SLC11A2: variants seen among roughly 807,000 people sequenced by gnomAD.
SLC11A2 encodes the protein natural resistance-associated macrophage protein 2.
SLC11A2 carries 38 observed loss-of-function variants against 68.0 expected under a neutral mutation model. The ratio of observed to expected loss-of-function variants is 0.56; its 90% CI spans 0.43 to 0.73. The LOEUF (loss-of-function observed/expected upper bound fraction) is 0.73. SLC11A2 is among the 30% of genes least tolerant of loss of function. The pLI is 0.00. For synonymous variants in SLC11A2, 242 were observed against 250.6 expected (o/e 0.97, Z 0.32); for missense variants, 517 against 690.5 (o/e 0.75, Z 2.82).
At chr12:50,991,303 C>T (rs766427942) in intron 14 of SLC11A2, among the ~76,000 whole-genome samples, 6 of 152,162 alleles carry the variant, frequency 3.9e-5, no homozygotes, top group Non-Finnish European at 7.3e-5. Context: ...CTAACTTATG[C>T]CTTTTTTGTT....
chr12:50,985,636 T>C (rs1401378156), downstream of SLC11A2, among the ~76,000 whole-genome samples: 3 of 152,194 alleles, frequency 2.0e-5, no homozygotes, highest in Non-Finnish European at 4.4e-5. Context: ...ACATATAGAA[T>C]GTAAAAGTGA....
At position 50,988,043 on chromosome 12, in the gene SLC11A2, T is replaced by C; in HGVS notation, c.*282A>G. 1 of 1,387,044 alleles carries C rather than the reference T, an allele frequency of 7.2e-7. No individual in the cohort carries two copies. The allele number at this position is 1,387,044 out of a possible 1,614,324, so 85.9% of individuals were successfully genotyped here. A position where few individuals can be genotyped will look rare whatever the true frequency, so the allele number is the denominator to read the frequency against. The stretch of plus-strand genomic sequence containing the variant: ...ATCCTTGTCTCTCCGAAGGATAAAC[T>C]GAGCTGGCCCTTGGGCAACTACTTA... On this transcript the variant is annotated 3_prime_UTR_variant, in exon 16 of 16. Transcript: ENST00000262052.
At chr12:50,995,934 A>G (rs1361911357) in intron 9 of SLC11A2, 147 bp from the exon 10 acceptor site, 2 of 712,160 alleles carry the variant, frequency 2.8e-6, no homozygotes, top group East Asian at 5.2e-5. Flanking sequence ...CCTACATCCT[A>G]GTTCACTGAG....
chr12:50,963,968 C>T, the SLC11A2 span, among the ~76,000 whole-genome samples: 3,937 of 152,238 alleles, frequency 0.026, 91 homozygotes, highest in East Asian at 0.078. Context: ...CAAAAGCATG[C>T]TAGTTATCTC....
At chr12:50,965,005 G>A in the SLC11A2 span, among the ~76,000 whole-genome samples, 7 of 152,088 alleles carry the variant, frequency 4.6e-5, no homozygotes, top group African/African-American at 1.4e-4. Flanking sequence ...TTACAGGCAC[G>A]ACCCATTGCA....
rs531402792 is a variant in SLC11A2 at position 50,997,766 on chromosome 12, T to C, written c.676-794A>G. ...ACTTTAGCAGGTCAAGGCGGGTGGATCACCTGAGGTCAGGAGTTCAAGACC... is the reference window on the plus strand; with the variant it reads ...ACTTTAGCAGGTCAAGGCGGGTGGACCACCTGAGGTCAGGAGTTCAAGACC... On this transcript the variant is annotated intron_variant, in intron 8 of 15. Transcript: ENST00000262052. 1.1e-4 allele frequency among the ~76,000 whole-genome samples: 15 copies of C among 137,644 alleles called. No homozygotes were observed. The South Asian group carries it at 3.6e-3, about 33-fold the overall frequency. 90.3% of individuals were successfully genotyped at this position (137,644 alleles called of 152,430 possible).
chr12:50,989,914 CCT>C (rs1435627930), intron 15 of SLC11A2, among the ~76,000 whole-genome samples: 2 of 152,232 alleles, frequency 1.3e-5, no homozygotes, highest in East Asian at 3.9e-4. Context: ...ATCCCTAACC[CCT>C]GTGTCTTTTC....
chr12:50,999,214 C>T lies in SLC11A2; in HGVS notation c.635G>A (p.Gly212Asp), dbSNP rs121918367. The change falls in exon 8 of 16, where the codon GGC becomes GAC. Residue 212 changes from glycine (G) to aspartate (D), a missense_variant. By Grantham distance (94) the Gly-to-Asp change is moderately conservative (BLOSUM62 -1). Coordinates refer to ENST00000262052, the MANE Select transcript of SLC11A2 (RefSeq NM_000617.3). ...YGLRKLEAFF[G>D]FLITIMALTF... ...GAGGGCCATAATAGTGATGAGAAAG[C>T]CAAAAAATGCTTCTAGCTTCCGCAA... 1.2e-6 allele frequency: 2 copies of T among 1,613,922 alleles called. No individual in the cohort carries two copies. The highest frequency in any genetic ancestry group is 2.7e-5 in the African/African-American group (2 of 74,972).
At chr12:51,026,557 AC>A (rs1944404467), upstream of SLC11A2, 1 of 336,298 alleles carries the variant, frequency 3.0e-6, no homozygotes, top group African/African-American at 2.5e-5. Context: ...CCCCTGGGGC[AC>A]CCGGCGGGAG....
At chr12:50,953,894 AAAC>A in the SLC11A2 span, 1 of 647,834 alleles carries the variant, frequency 1.5e-6, no homozygotes, top group South Asian at 2.2e-5. Context: ...AAACAAATGA[AAAC>A]AAAAAAACAC....
At position 50,987,863 on chromosome 12, in the gene SLC11A2, GA is replaced by G; in HGVS notation, c.*461del. Reference sequence around the variant, plus strand: ...ATAATTTGGTATAATTAAAATAACTGAAAAGGTAGGTATAAGGAAAATTTCT... The same window carrying G: ...ATAATTTGGTATAATTAAAATAACTGAAAGGTAGGTATAAGGAAAATTTCT... On this transcript the variant is annotated 3_prime_UTR_variant, in exon 16 of 16. Transcript: ENST00000262052. 7.9e-7 allele frequency: 1 copy of G among 1,260,324 alleles called. No individual in the cohort carries two copies. The highest frequency in any genetic ancestry group is 1.0e-6 in the Non-Finnish European group (1 of 977,526). 78.1% of individuals were successfully genotyped at this position (1,260,324 alleles called of 1,614,324 possible). A position where few individuals can be genotyped will look rare whatever the true frequency, so the allele number is the denominator to read the frequency against.
At chr12:51,001,210 T>C (rs1942190527) in intron 5 of SLC11A2, among the ~76,000 whole-genome samples, 1 of 149,674 alleles carries the variant, frequency 6.7e-6, no homozygotes, top group African/African-American at 2.5e-5. Flanking sequence ...CAGTGGCTCA[T>C]TCCTGTAATC....
At chr12:50,999,479 C>T in intron 6 of SLC11A2, 64 bp from the exon 7 acceptor site, 1 of 1,278,828 alleles carries the variant, frequency 7.8e-7, no homozygotes, top group East Asian at 2.3e-5. Context: ...GAAAAACACT[C>T]TCTTCCCAAC....
chr12:50,996,974 T>A lies in SLC11A2; in HGVS notation c.676-2A>T. On this transcript the variant is annotated splice_acceptor_variant, in intron 8 of 15. Transcript: ENST00000262052. LOFTEE classifies it high-confidence loss of function. ...CTGGCTGGGTTTCACTGTAACATAC[T>A]ACATACCAACATAACAATGATTAGC... The A allele has an allele frequency of 6.2e-7, 1 of 1,613,452 alleles. No homozygotes were observed. The highest frequency in any genetic ancestry group is 8.5e-7 in the Non-Finnish European group (1 of 1,179,388).
At chr12:50,966,906 A>G in the SLC11A2 span, among the ~76,000 whole-genome samples, 1 of 152,136 alleles carries the variant, frequency 6.6e-6, no homozygotes, top group African/African-American at 2.4e-5. Context: ...ATTTGAGGTC[A>G]GGAGTTCGAG....
intron 1 of SLC11A2, among the ~76,000 whole-genome samples, chr12:51,013,694 G>A (rs970546527): frequency 8.6e-5 from 13 of 151,698 alleles, no homozygotes; most frequent in African/African-American, 3.1e-4. Context: ...AGCCATGATC[G>A]CACCACTGCA....
At chr12:51,014,991 T>TGC (rs1943522356) in intron 1 of SLC11A2, among the ~76,000 whole-genome samples, 1 of 141,136 alleles carries the variant, frequency 7.1e-6, no homozygotes, top group African/African-American at 2.7e-5. Flanking sequence ...TGAAACCCCA[T>TGC]CTCTACTAAA....
chr12:50,997,098 G>T, intron 8 of SLC11A2, 126 bp from the exon 9 acceptor site: 1 of 789,128 alleles, frequency 1.3e-6, no homozygotes, highest in Non-Finnish European at 2.2e-6. Flanking sequence ...TATTTTTTGA[G>T]ATAGGATCTT....
chr12:51,024,111 T>C (rs1057411997), intron 1 of SLC11A2, among the ~76,000 whole-genome samples: 1 of 152,244 alleles, frequency 6.6e-6, no homozygotes, highest in African/African-American at 2.4e-5. Flanking sequence ...ATGTTTTTTT[T>C]CATAAACTTA....
Sources: allele counts gnomAD v4.1 joint callset (sites outside exome capture counted in the v4.1 genomes callset), GRCh38; gene constraint gnomAD v4.1.1; transcripts MANE v1.5; gene names NCBI Gene and HGNC (gene_info 2026-07-23, HGNC 2026-07-21).